The following BRD10 variants were observed in gnomAD, a reference collection of about 807,000 sequenced individuals.
The protein encoded by BRD10 is bromodomain containing 10.
chr9:5,936,464 C>G, the BRD10 span, among the ~76,000 whole-genome samples: 1 of 152,204 alleles, frequency 6.6e-6, no homozygotes, highest in African/African-American at 2.4e-5. Flanking sequence ...AGAATTACAT[C>G]TTAAAGAACT....
At chr9:6,005,971 C>T in the BRD10 span, among the ~76,000 whole-genome samples, 1 of 152,098 alleles carries the variant, frequency 6.6e-6, no homozygotes, top group South Asian at 2.1e-4. Context: ...AAAAAATCAC[C>T]GTTAGTCTTG....
At chr9:5,963,627 G>T in the BRD10 span, among the ~76,000 whole-genome samples, 2 of 151,986 alleles carry the variant, frequency 1.3e-5, no homozygotes, top group Non-Finnish European at 2.9e-5. Flanking sequence ...AACAAAGCTG[G>T]AGGCATCACG....
chr9:5,901,396 CGTTTATTGAGA>C, the BRD10 span, among the ~76,000 whole-genome samples: 1 of 152,224 alleles, frequency 6.6e-6, no homozygotes, highest in Non-Finnish European at 1.5e-5. Context: ...CTTTATCCCT[CGTTTATTGAGA>C]GTTTTAAATT....
the BRD10 span, chr9:5,968,889 C>T: frequency 3.7e-6 from 6 of 1,612,874 alleles, no homozygotes; most frequent in African/African-American, 6.7e-5. Context: ...TGTCCAAGTA[C>T]AGCATCTTGA....
At chr9:5,950,807 G>C in the BRD10 span, among the ~76,000 whole-genome samples, 1 of 151,962 alleles carries the variant, frequency 6.6e-6, no homozygotes, top group African/African-American at 2.4e-5. Context: ...AAGTGGTATA[G>C]TATCTGCATA....
chr9:5,990,294 T>G, the BRD10 span, among the ~76,000 whole-genome samples: 1 of 152,222 alleles, frequency 6.6e-6, no homozygotes, highest in Non-Finnish European at 1.5e-5. Context: ...ATTAATTAGC[T>G]ATATAATTTT....
the BRD10 span, among the ~76,000 whole-genome samples, chr9:5,915,269 T>C: frequency 6.6e-6 from 1 of 152,150 alleles, no homozygotes; most frequent in Non-Finnish European, 1.5e-5. Flanking sequence ...CTGGCCCACC[T>C]AATATCCTGA....
At chr9:5,890,918 A>T in the BRD10 span, 1 of 152,228 alleles carries the variant, frequency 6.6e-6, no homozygotes, top group Non-Finnish European at 1.5e-5. Context: ...CAGCAGACAG[A>T]GGACTCTCAT....
the BRD10 span, chr9:5,920,515 A>G: frequency 4.1e-5 from 66 of 1,613,916 alleles, no homozygotes; most frequent in Non-Finnish European, 5.5e-5. Context: ...TTGGCAGAGA[A>G]GCAAAATTGG....
At chr9:5,947,095 C>G in the BRD10 span, among the ~76,000 whole-genome samples, 1 of 152,090 alleles carries the variant, frequency 6.6e-6, no homozygotes, top group East Asian at 1.9e-4. Context: ...AGAGATAACA[C>G]AGTTCTGAAG....
At chr9:5,992,179 G>C in the BRD10 span, among the ~76,000 whole-genome samples, 1 of 151,854 alleles carries the variant, frequency 6.6e-6, no homozygotes, top group Non-Finnish European at 1.5e-5. Flanking sequence ...CTATTTTTTT[G>C]GTAATTATCT....
chr9:5,927,175 ACTT>A, the BRD10 span, among the ~76,000 whole-genome samples: 1 of 152,130 alleles, frequency 6.6e-6, no homozygotes, highest in Non-Finnish European at 1.5e-5. Flanking sequence ...TAATGGCTTT[ACTT>A]CTTATTTCAA....
the BRD10 span, among the ~76,000 whole-genome samples, chr9:5,958,603 T>C: frequency 1.3e-5 from 2 of 151,648 alleles, no homozygotes; most frequent in African/African-American, 2.4e-5. Context: ...GTGGGCAACA[T>C]AGCGAGATCC....
chr9:5,958,355 G>T, the BRD10 span, among the ~76,000 whole-genome samples: 1 of 152,050 alleles, frequency 6.6e-6, no homozygotes, highest in Non-Finnish European at 1.5e-5. Flanking sequence ...TACATAAGAA[G>T]GTGATTATCA....
the BRD10 span, among the ~76,000 whole-genome samples, chr9:5,936,161 G>C: frequency 1.3e-5 from 2 of 152,128 alleles, no homozygotes; most frequent in Non-Finnish European, 2.9e-5. Flanking sequence ...TTCGAGACTA[G>C]TCTGGGAAAC....
At chr9:5,961,481 C>A in the BRD10 span, among the ~76,000 whole-genome samples, 1 of 151,728 alleles carries the variant, frequency 6.6e-6, no homozygotes, top group African/African-American at 2.4e-5. Context: ...TTTTTTTTTA[C>A]TCTTAAATAA....
chr9:5,999,725 A>C, the BRD10 span, among the ~76,000 whole-genome samples: 2 of 152,122 alleles, frequency 1.3e-5, no homozygotes, highest in Non-Finnish European at 2.9e-5. Context: ...TTGCCTTTGC[A>C]CTTTTAGATA....
At chr9:5,969,075 G>T in the BRD10 span, 2 of 1,613,274 alleles carry the variant, frequency 1.2e-6, no homozygotes, top group South Asian at 1.1e-5. Context: ...TTTTCAGTTT[G>T]CCCTACAGCA....
chr9:5,984,674 ATTTCTAGATAT>A, the BRD10 span, among the ~76,000 whole-genome samples: 2 of 152,172 alleles, frequency 1.3e-5, no homozygotes, highest in African/African-American at 4.8e-5. Context: ...TAAAGTTTGT[ATTTCTAGATAT>A]ATTAGCAATA....
Sources: gnomAD v4.1 joint callset for allele counts (sites outside exome capture counted in the v4.1 genomes callset) on GRCh38, gnomAD v4.1.1 for gene constraint, MANE v1.5 for transcripts, NCBI Gene and HGNC (gene_info 2026-07-23, HGNC 2026-07-21) for gene names.